Variants in PTBP2 observed in about 807,000 individuals in gnomAD.
PTBP2 encodes polypyrimidine tract binding protein 2, also known as polypyrimidine tract-binding protein 2.
Under a neutral mutation model 61.4 loss-of-function variants are expected in PTBP2, and 13 were observed. That is an observed-to-expected ratio of 0.21 (90% CI 0.14 to 0.34). The LOEUF (loss-of-function observed/expected upper bound fraction) is 0.34. Among genes scored for constraint, PTBP2 ranks in the 10% least tolerant of loss-of-function variants. The pLI, the probability that PTBP2 is intolerant of heterozygous loss-of-function variation, is 1.00. For synonymous variants in PTBP2, 215 were observed against 218.5 expected, an observed-to-expected ratio of 0.98 and a Z score of 0.14; for missense variants, 405 against 642.6, an observed-to-expected ratio of 0.63 and a Z score of 4.00.
chr1:96,805,558 T>TA (rs1204859305), intron 9 of PTBP2, among the ~76,000 whole-genome samples: 1 of 152,078 alleles, frequency 6.6e-6, no homozygotes, highest in Non-Finnish European at 1.5e-5. Flanking sequence ...ATTGCTAAGT[T>TA]ATTTTCTTTA....
intron 7 of PTBP2, among the ~76,000 whole-genome samples, chr1:96,783,988 T>TA (rs1357591409): frequency 6.6e-6 from 1 of 152,024 alleles, no homozygotes; most frequent in South Asian, 2.1e-4. Context: ...GATTAGTCCA[T>TA]AAAAAAATTC....
intron 2 of PTBP2, among the ~76,000 whole-genome samples, chr1:96,725,863 A>G (rs560936631): frequency 7.2e-5 from 11 of 151,828 alleles, no homozygotes; most frequent in Non-Finnish European, 1.3e-4. Context: ...GCGGATCACG[A>G]GTTCAGGAGA....
intron 3 of PTBP2, among the ~76,000 whole-genome samples, chr1:96,756,380 A>G (rs1480473807): frequency 6.6e-6 from 1 of 152,216 alleles, no homozygotes; most frequent in Non-Finnish European, 1.5e-5. Flanking sequence ...AACCTGGGCA[A>G]CAAGAGCGAG....
At chr1:96,809,756 A>G (rs563441586) in intron 11 of PTBP2, among the ~76,000 whole-genome samples, 1 of 152,280 alleles carries the variant, frequency 6.6e-6, no homozygotes, top group East Asian at 1.9e-4. Context: ...ATGGGAATAT[A>G]AAATACTTAA....
At chr1:96,763,179 G>A (rs936290400) in intron 3 of PTBP2, among the ~76,000 whole-genome samples, 93 of 152,236 alleles carry the variant, frequency 6.1e-4, no homozygotes, top group African/African-American at 2.1e-3. Flanking sequence ...ACGGGGTGGC[G>A]GCTGGGCAGA....
intron 2 of PTBP2, among the ~76,000 whole-genome samples, chr1:96,743,408 C>T (rs979184709): frequency 6.6e-6 from 1 of 152,058 alleles, no homozygotes; most frequent in Non-Finnish European, 1.5e-5. Flanking sequence ...TAATTTTTAC[C>T]AAGAATATTT....
intron 11 of PTBP2, among the ~76,000 whole-genome samples, chr1:96,808,650 A>C (rs951803726): frequency 1.3e-5 from 2 of 152,154 alleles, no homozygotes; most frequent in Admixed American, 1.3e-4. Flanking sequence ...ATTGTCACTA[A>C]AGTTTTGACT....
chr1:96,819,585 G>A (rs900657386), downstream of PTBP2: 1 of 151,530 alleles, frequency 6.6e-6, no homozygotes, highest in Admixed American at 6.6e-5. Flanking sequence ...TTTATTTGTG[G>A]TTATTGAGTT....
chr1:96,774,627 T>G (rs1196820132), intron 5 of PTBP2, among the ~76,000 whole-genome samples: 2 of 152,240 alleles, frequency 1.3e-5, no homozygotes, highest in African/African-American at 4.8e-5. Context: ...CCATCTTTCC[T>G]GCTACTTGTA....
At chr1:96,800,395 CTTTT>C (rs376568803) in intron 8 of PTBP2, among the ~76,000 whole-genome samples, 138 of 125,206 alleles carry the variant, frequency 1.1e-3, no homozygotes, top group South Asian at 3.3e-3. Context: ...CATTCTCTGG[CTTTT>C]TTTTTTTTTT....
At chr1:96,806,735 G>T in intron 10 of PTBP2, 131 bp from the exon 11 acceptor site, 1 of 716,788 alleles carries the variant, frequency 1.4e-6, no homozygotes. Context: ...ATTCATTTGT[G>T]AGAATGATGA....
intron 2 of PTBP2, among the ~76,000 whole-genome samples, chr1:96,740,239 C>A (rs1354670415): frequency 6.6e-6 from 1 of 152,184 alleles, no homozygotes; most frequent in Non-Finnish European, 1.5e-5. Context: ...CGTTTTCTCA[C>A]AGTTCTGGAA....
At chr1:96,787,698 T>C (rs1659364666) in intron 8 of PTBP2, among the ~76,000 whole-genome samples, 1 of 152,224 alleles carries the variant, frequency 6.6e-6, no homozygotes, top group Non-Finnish European at 1.5e-5. Context: ...CATGTTTCTG[T>C]ACAAAATTAA....
At position 96,812,777 on chromosome 1, in the gene PTBP2, C is replaced by G; in HGVS notation, c.1237C>G (p.Gln413Glu). 6.2e-7 allele frequency: 1 copy of G among 1,611,140 alleles called. No homozygotes were observed. Among genetic ancestry groups the G allele is most frequent in the Non-Finnish European group, 8.5e-7 (1 of 1,177,382 alleles). The change falls in exon 12 of 14, where the codon CAG (glutamine) becomes GAG (glutamate). Residue 413 changes from glutamine (Q) to glutamate (E), a missense_variant. Physicochemically the swap from Gln to Glu is conservative, Grantham distance 29 (BLOSUM62 2). Around this residue, in one of 4 missense-constraint regions of PTBP2, gnomAD observed 18 missense variants for 69.6 expected, o/e 0.26. Transcript: ENST00000674951. ...KIIRVTLSKH[Q>E]TVQLPREGLD... ...TATTCGTGTTACTCTGTCTAAACATCAGACTGTACAGCTACCTCGAGAGGG... is the reference window on the plus strand; with the variant it reads ...TATTCGTGTTACTCTGTCTAAACATGAGACTGTACAGCTACCTCGAGAGGG...
chr1:96,743,553 ATTC>A (rs146574718), intron 2 of PTBP2, among the ~76,000 whole-genome samples: 3,394 of 152,188 alleles, frequency 0.022, 113 homozygotes, highest in African/African-American at 0.077. Flanking sequence ...AAGTGGCGCT[ATTC>A]TTTTTTTCTG....
intron 2 of PTBP2, among the ~76,000 whole-genome samples, chr1:96,749,352 T>C (rs923848356): frequency 6.6e-6 from 1 of 152,176 alleles, no homozygotes; most frequent in Non-Finnish European, 1.5e-5. Flanking sequence ...AAGAATAAGC[T>C]GATAATAATA....
chr1:96,792,007 C>CAT (rs1206003278), intron 8 of PTBP2, among the ~76,000 whole-genome samples: 1 of 151,504 alleles, frequency 6.6e-6, no homozygotes, highest in Admixed American at 6.6e-5. Context: ...CTAATTTCTT[C>CAT]ATATTTTTTT....
chr1:96,808,093 A>G (rs920298400), intron 11 of PTBP2, among the ~76,000 whole-genome samples: 2 of 152,232 alleles, frequency 1.3e-5, no homozygotes, highest in East Asian at 3.9e-4. Flanking sequence ...CATTTAAATA[A>G]GGGATGCATA....
intron 2 of PTBP2, among the ~76,000 whole-genome samples, chr1:96,737,258 G>A (rs554407882): frequency 9.9e-5 from 15 of 152,194 alleles, no homozygotes; most frequent in Non-Finnish European, 1.8e-4. Context: ...GAGCCACTGC[G>A]ACCGGCCCAC....
Sources: allele counts gnomAD v4.1 joint callset (sites outside exome capture counted in the v4.1 genomes callset), GRCh38; gene constraint gnomAD v4.1.1; regional missense constraint gnomAD v4.1.1; transcripts MANE v1.5; gene names NCBI Gene and HGNC (gene_info 2026-07-23, HGNC 2026-07-21).